GPBP1: variants seen among roughly 807,000 people sequenced by gnomAD.
The protein encoded by GPBP1 is vasculin.
A neutral mutation model predicts 56.5 loss-of-function variants in GPBP1; 13 were observed. The observed-to-expected ratio is 0.23, with a 90% confidence interval of 0.15 to 0.37. The LOEUF (loss-of-function observed/expected upper bound fraction) is 0.37. Among genes scored for constraint, GPBP1 ranks in the 10% least tolerant of loss-of-function variants. The pLI is 1.00. For synonymous variants in GPBP1, 204 were observed against 188.9 expected, an observed-to-expected ratio of 1.08 and a Z score of -0.66; for missense variants, 477 against 572.3, an observed-to-expected ratio of 0.83 and a Z score of 1.70.
chr5:57,246,090 A>G (rs1457734622), intron 6 of GPBP1: 1 of 428,836 alleles, frequency 2.3e-6, no homozygotes, highest in African/African-American at 2.0e-5. Context: ...GACATTGCCC[A>G]ATTCTTCCTA....
At chr5:57,244,512 C>G (rs778860782) in intron 6 of GPBP1, among the ~76,000 whole-genome samples, 1 of 152,166 alleles carries the variant, frequency 6.6e-6, no homozygotes, top group Non-Finnish European at 1.5e-5. Context: ...ATGAGATTAC[C>G]TTTCACATTT....
At chr5:57,202,887 A>G (rs143679799) in intron 2 of GPBP1, among the ~76,000 whole-genome samples, 267 of 152,332 alleles carry the variant, frequency 1.8e-3, no homozygotes, top group African/African-American at 6.1e-3. Context: ...ACTGTTTGCA[A>G]TATATTTCTA....
intron 2 of GPBP1, among the ~76,000 whole-genome samples, chr5:57,183,212 A>G (rs1263574833): frequency 1.3e-5 from 2 of 151,920 alleles, no homozygotes; most frequent in African/African-American, 4.8e-5. Flanking sequence ...ATAAAAATAC[A>G]AAAAATTAGC....
intron 2 of GPBP1, among the ~76,000 whole-genome samples, chr5:57,211,214 A>G (rs1215552424): frequency 2.0e-5 from 3 of 150,802 alleles, no homozygotes; most frequent in Admixed American, 6.6e-5. Context: ...TTTTTGAGAT[A>G]GGATCTTCTC....
intron 2 of GPBP1, among the ~76,000 whole-genome samples, chr5:57,212,664 CTTTTTTTCTTTTTT>C (rs1007179204): frequency 7.4e-5 from 11 of 147,718 alleles, no homozygotes; most frequent in Non-Finnish European, 6.0e-5. Context: ...TTTTCTTTTT[CTTTTTTTCTTTTTT>C]TTTTTTTTGA....
At chr5:57,236,683 T>C (rs1188025603) in intron 6 of GPBP1, among the ~76,000 whole-genome samples, 1 of 152,190 alleles carries the variant, frequency 6.6e-6, no homozygotes, top group African/African-American at 2.4e-5. Context: ...TAGTACAATT[T>C]AGACAGCTTT....
chr5:57,247,447 T>C (rs1188616576), intron 8 of GPBP1, among the ~76,000 whole-genome samples: 1 of 152,148 alleles, frequency 6.6e-6, no homozygotes, highest in Non-Finnish European at 1.5e-5. Context: ...CCCAACATTT[T>C]GGGAAGTGGG....
chr5:57,234,023 A>G (rs1300381061), intron 5 of GPBP1, among the ~76,000 whole-genome samples: 1 of 152,174 alleles, frequency 6.6e-6, no homozygotes, highest in East Asian at 1.9e-4. Flanking sequence ...TATAATTTCT[A>G]ATAGTATACT....
At chr5:57,232,530 C>T (rs1348426424) in intron 5 of GPBP1, among the ~76,000 whole-genome samples, 1 of 152,142 alleles carries the variant, frequency 6.6e-6, no homozygotes, top group African/African-American at 2.4e-5. Flanking sequence ...GTGTTTTTAC[C>T]TTTATCAGCA....
chr5:57,257,340 T>TA lies in GPBP1; in HGVS notation c.1161-3839dup, dbSNP rs561470364. ...GTGAGCCACTGCGCCTGGCCAGTGA[T>TA]AGGTTTTTTAAGGATAATGCTTTTC... On this transcript the variant is annotated intron_variant, in intron 10 of 11. Coordinates refer to ENST00000506184, the MANE Select transcript of GPBP1 (RefSeq NM_022913.4). Among the ~76,000 whole-genome samples, 253 of 152,296 alleles carry TA rather than the reference T, an allele frequency of 1.7e-3. 3 individuals are homozygous for TA. The highest frequency in any genetic ancestry group is 0.013 in the Admixed American group (200 of 15,294).
chr5:57,210,350 C>CTAGCA (rs1755422015), intron 2 of GPBP1, among the ~76,000 whole-genome samples: 1 of 152,088 alleles, frequency 6.6e-6, no homozygotes, highest in Non-Finnish European at 1.5e-5. Context: ...GGTTTTCATA[C>CTAGCA]TAGCAGTATT....
chr5:57,190,694 C>CTTTTTT lies in GPBP1; in HGVS notation c.-58+14317_-58+14322dup, dbSNP rs773540051. Reference sequence around the variant, plus strand: ...AGACTGGCTTTGGATTTGCTGTTAGCTTTTTTTTTTTTTTTTTTTTTTTTT... The same window carrying CTTTTTT: ...AGACTGGCTTTGGATTTGCTGTTAGCTTTTTTTTTTTTTTTTTTTTTTTTTTTTTTT... On this transcript the variant is annotated intron_variant, in intron 2 of 11. Coordinates refer to ENST00000506184, the MANE Select transcript of GPBP1 (RefSeq NM_022913.4). 1.2e-4 allele frequency among the ~76,000 whole-genome samples: 8 copies of CTTTTTT among 68,870 alleles called. No individual in the cohort carries two copies. In the South Asian group the frequency reaches 1.4e-3, roughly 12 times the overall value. The allele number at this position is 68,870 out of a possible 152,430, so 45.2% of individuals were successfully genotyped here.
At chr5:57,179,457 C>T (rs1455215813) in intron 2 of GPBP1, among the ~76,000 whole-genome samples, 1 of 152,174 alleles carries the variant, frequency 6.6e-6, no homozygotes, top group African/African-American at 2.4e-5. Context: ...AAGGGTTCCT[C>T]CTGCCTTGGC....
At chr5:57,192,226 G>A (rs368041995) in intron 2 of GPBP1, among the ~76,000 whole-genome samples, 1 of 152,042 alleles carries the variant, frequency 6.6e-6, no homozygotes. Flanking sequence ...TGAGCTGGGT[G>A]CCTTAATTTT....
At chr5:57,234,964 A>C (rs1465207665) in intron 5 of GPBP1, among the ~76,000 whole-genome samples, 1 of 152,192 alleles carries the variant, frequency 6.6e-6, no homozygotes, top group East Asian at 1.9e-4. Flanking sequence ...TCTGATCTAC[A>C]GAGCTATGAG....
At chr5:57,194,057 A>G (rs1387185509) in intron 2 of GPBP1, among the ~76,000 whole-genome samples, 1 of 152,180 alleles carries the variant, frequency 6.6e-6, no homozygotes, top group African/African-American at 2.4e-5. Context: ...ACCCTGCTCT[A>G]CAGTCTTTTT....
intron 2 of GPBP1, among the ~76,000 whole-genome samples, chr5:57,198,594 A>G (rs911069802): frequency 6.6e-6 from 1 of 152,114 alleles, no homozygotes; most frequent in Non-Finnish European, 1.5e-5. Flanking sequence ...CACACCTGTA[A>G]TCTCAGCATT....
At chr5:57,193,639 A>G (rs1334263249) in intron 2 of GPBP1, among the ~76,000 whole-genome samples, 1 of 146,506 alleles carries the variant, frequency 6.8e-6, no homozygotes, top group African/African-American at 2.6e-5. Context: ...AAAAAAAACT[A>G]TGAAAAGTAT....
At chr5:57,184,431 A>G (rs1003725870) in intron 2 of GPBP1, among the ~76,000 whole-genome samples, 2 of 152,214 alleles carry the variant, frequency 1.3e-5, no homozygotes, top group South Asian at 2.1e-4. Flanking sequence ...GGAGCTTACA[A>G]TAATGGCATA....
Sources: gnomAD v4.1 joint callset for allele counts (sites outside exome capture counted in the v4.1 genomes callset) on GRCh38, gnomAD v4.1.1 for gene constraint, MANE v1.5 for transcripts, NCBI Gene and HGNC (gene_info 2026-07-23, HGNC 2026-07-21) for gene names.